The following STXBP2 variants were observed in gnomAD, a reference collection of about 807,000 sequenced individuals.
STXBP2 encodes syntaxin-binding protein 2.
Under a neutral mutation model 72.2 loss-of-function variants are expected in STXBP2, and 47 were observed. The observed-to-expected ratio is 0.65, with a 90% CI of 0.51 to 0.83. The LOEUF (loss-of-function observed/expected upper bound fraction) is 0.83. STXBP2 is among the 40% of genes least tolerant of loss of function. The pLI is 0.00. For missense variants in STXBP2, 702 were observed against 807.6 expected (o/e 0.87, Z 1.58); for synonymous variants, 367 against 338.7 (o/e 1.08, Z -0.92).
chr19:7,630,995 G>A, the STXBP2 span: 4 of 1,050,362 alleles, frequency 3.8e-6, no homozygotes, highest in Non-Finnish European at 5.6e-6. Context: ...GATCACTTGA[G>A]GTCAGGAGTT....
intron 4 of STXBP2, chr19:7,640,212 GTGTC>G (rs1440673063): frequency 2.4e-5 from 13 of 538,734 alleles, no homozygotes; most frequent in South Asian, 4.6e-5. Flanking sequence ...GTGTATGTAT[GTGTC>G]TGCGTCTGTG....
chr19:7,643,405 G>C, intron 13 of STXBP2, 160 bp downstream of exon 13: 1 of 762,894 alleles, frequency 1.3e-6, no homozygotes, highest in Non-Finnish European at 2.2e-6. Context: ...GGAAGGAGTG[G>C]GTCTTGTGGA....
At chr19:7,645,415 TG>T in intron 15 of STXBP2, 109 bp downstream of exon 15, 1 of 1,128,198 alleles carries the variant, frequency 8.9e-7, no homozygotes, top group Non-Finnish European at 1.3e-6. Context: ...GTTCCTGGCG[TG>T]GTGTGGTTGC....
chr19:7,645,863 T>C (rs1422328682), intron 15 of STXBP2: 2 of 357,374 alleles, frequency 5.6e-6, no homozygotes, highest in Admixed American at 8.9e-5. Flanking sequence ...CCTTCCCCTT[T>C]CTCTCTGTTC....
chr19:7,642,773 A>G lies in STXBP2; in HGVS notation c.910A>G (p.Thr304Ala). 6.2e-7 allele frequency: 1 copy of G among 1,613,746 alleles called. No individual in the cohort carries two copies. The highest frequency in any genetic ancestry group is 8.5e-7 in the Non-Finnish European group (1 of 1,179,956). The change falls in exon 11 of 19, where the codon ACG (threonine) becomes GCG (alanine). Residue 304 changes from threonine to alanine, a missense_variant. By Grantham distance (58) the Thr-to-Ala change is moderately conservative (BLOSUM62 0). Transcript: ENST00000221283. The surrounding 1 kb of genome is among the most constrained non-coding windows in gnomAD (Gnocchi z 6.0). The stretch of plus-strand genomic sequence containing the variant: ...GCCCACCCTCATGGCCAGGAAGGTC[A>G]CGGAGCTCCTGAGGACCTTCTGTGA... ...MHIADVSKKV[T>A]ELLRTFCESK... is the part of the protein sequence containing the mutation.
intron 14 of STXBP2, 82 bp from the exon 15 acceptor site, chr19:7,645,115 G>C: frequency 3.4e-6 from 5 of 1,491,502 alleles, no homozygotes; most frequent in Non-Finnish European, 4.6e-6. Flanking sequence ...AGTCCTGGGA[G>C]CTCCTCAGCC....
At chr19:7,630,131 G>A in the STXBP2 span, 2 of 486,816 alleles carry the variant, frequency 4.1e-6, no homozygotes, top group African/African-American at 4.0e-5. Context: ...GGGCTCTAAA[G>A]AAGGAAGACT....
chr19:7,631,408 G>A, the STXBP2 span: 2 of 915,450 alleles, frequency 2.2e-6, no homozygotes, highest in South Asian at 1.9e-5. Context: ...GCGGGGGGGG[G>A]TGGTCCCGGC....
intron 5 of STXBP2, 42 bp from the exon 6 acceptor site, chr19:7,640,858 G>C (rs372413393): frequency 1.7e-5 from 27 of 1,614,002 alleles, no homozygotes; most frequent in Non-Finnish European, 1.0e-5. Flanking sequence ...AGGAGGTGTG[G>C]GGGCTGCTCT....
At chr19:7,634,886 C>T (rs1236610722), upstream of STXBP2, among the ~76,000 whole-genome samples, 1 of 152,180 alleles carries the variant, frequency 6.6e-6, no homozygotes, top group Non-Finnish European at 1.5e-5. Context: ...GGCATTCTCC[C>T]TCTGTGTCCC....
intron 1 of STXBP2, among the ~76,000 whole-genome samples, chr19:7,637,955 AGACC>A (rs1294706177): frequency 6.6e-6 from 1 of 152,266 alleles, no homozygotes. Flanking sequence ...GAGGAAACTG[AGACC>A]GGAGGTCAGT....
chr19:7,647,363 C>T lies in STXBP2; in HGVS notation c.1548C>T (p.Phe516=), dbSNP rs201641708. 73 of 1,613,252 alleles carry T rather than the reference C, an allele frequency of 4.5e-5. No homozygotes were observed. Among genetic ancestry groups the T allele is most frequent in the Non-Finnish European group, 5.7e-5 (67 of 1,179,994 alleles). Residue 516 remains phenylalanine, a synonymous_variant, in exon 18 of 19, where the codon TTC becomes TTT. Transcript: ENST00000221283. ...ASSQAAVSAR[F]GHWHKNKAGI... Reference sequence around the variant, plus strand: ...CCCCTGCCCTGCACAGTGCCCGCTTCGGTCACTGGCACAAGAACAAGGCTG... The same window carrying T: ...CCCCTGCCCTGCACAGTGCCCGCTTTGGTCACTGGCACAAGAACAAGGCTG...
In STXBP2 at chr19:7,639,854, A is replaced by ATGTGCATG. The variant is rs113656550; in HGVS notation, c.246+52_246+59dup. On this transcript the variant is annotated intron_variant, in intron 4 of 18. Transcript: ENST00000221283. ...TGTGTATGCGCGTGCATGCGTGTACATGTGCATGTGTGTGTATGTCTGCAT... is the reference window on the plus strand; with the variant it reads ...TGTGTATGCGCGTGCATGCGTGTACATGTGCATGTGTGCATGTGTGTGTATGTCTGCAT... The ATGTGCATG allele has an allele frequency of 0.016, 24,769 of 1,585,506 alleles. 1,487 individuals carry two copies. Among genetic ancestry groups the ATGTGCATG allele is most frequent in the Admixed American group, 0.15 (8,768 of 58,460 alleles).
At position 7,647,578 on chromosome 19, in the gene STXBP2, C is replaced by G. The variant is rs2032188804; in HGVS notation, c.1696+67C>G. On this transcript the variant is annotated intron_variant, in intron 18 of 18. Coordinates refer to ENST00000221283, the MANE Select transcript of STXBP2 (RefSeq NM_006949.4). ...TTCCCGGGGCCTGGGCTTGTACCTT[C>G]TAGGTGTCTGGACTCCAGAGTCCTT... 1.9e-6 allele frequency: 3 copies of G among 1,581,564 alleles called. No homozygotes were observed. In the Admixed American group the frequency reaches 5.3e-5, roughly 28 times the overall value.
At position 7,646,297 on chromosome 19, in the gene STXBP2, A is replaced by C. The variant is rs1321265871; in HGVS notation, c.1405A>C (p.Thr469Pro). 6.2e-7 allele frequency: 1 copy of C among 1,611,566 alleles called. No individual in the cohort carries two copies. Among genetic ancestry groups the C allele is most frequent in the South Asian group, 1.1e-5 (1 of 90,442 alleles). ...RLEPRERMEP[T>P]YQLSRWTPVI... Reference sequence around the variant, plus strand: ...GGAGCCGAGAGAACGCATGGAGCCCACCTATCAGCTGTCCCGCTGGACCCC... The same window carrying C: ...GGAGCCGAGAGAACGCATGGAGCCCCCCTATCAGCTGTCCCGCTGGACCCC... The change falls in exon 16 of 19, where the codon ACC (threonine) becomes CCC (proline). Residue 469 changes from threonine (T) to proline (P), a missense_variant. Transcript: ENST00000221283.
At chr19:7,641,903 G>A (rs1249580462) in intron 7 of STXBP2, 50 bp downstream of exon 7, 23 of 1,287,946 alleles carry the variant, frequency 1.8e-5, no homozygotes, top group Admixed American at 8.7e-5. Context: ...CCTTAACCGC[G>A]TGCAACACCT....
Position 7,640,990 on chromosome 19 carries a change from C to G in STXBP2, c.416C>G (p.Pro139Arg). Residue 139 changes from proline (P) to arginine (R), a missense_variant, in exon 6 of 19, where the codon CCC becomes CGC. Coordinates refer to ENST00000221283, the MANE Select transcript of STXBP2 (RefSeq NM_006949.4). Reference sequence around the variant, plus strand: ...AAGGAGATTCACCTTGCCTTCCTCCCCTACGAGGCCCAGGTACGGCCCGGG... The same window carrying G: ...AAGGAGATTCACCTTGCCTTCCTCCGCTACGAGGCCCAGGTACGGCCCGGG... The part of the protein sequence containing the change: ...TLKEIHLAFL[P>R]YEAQVFSLDA... 6.2e-7 allele frequency: 1 copy of G among 1,614,166 alleles called. No individual in the cohort carries two copies. The highest frequency in any genetic ancestry group is 8.5e-7 in the Non-Finnish European group (1 of 1,180,024).
upstream of STXBP2, chr19:7,632,872 G>A: frequency 1.3e-6 from 2 of 1,535,586 alleles, no homozygotes; most frequent in Non-Finnish European, 8.7e-7. The surrounding 1 kb of genome is among the most constrained non-coding windows in gnomAD (Gnocchi z 5.2). Context: ...CTTCAGCTTG[G>A]GGGCCCCTCC....
chr19:7,641,627 C>T, intron 6 of STXBP2, 78 bp from the exon 7 acceptor site: 1 of 1,539,266 alleles, frequency 6.5e-7, no homozygotes, highest in Non-Finnish European at 8.8e-7. Flanking sequence ...CCAGGAGGTG[C>T]AGGTGGCGGC....
Sources: gnomAD v4.1 joint callset for allele counts (sites outside exome capture counted in the v4.1 genomes callset) on GRCh38, gnomAD v4.1.1 for gene constraint, Gnocchi (gnomAD v3.1) non-coding constraint, MANE v1.5 for transcripts, NCBI Gene and HGNC (gene_info 2026-07-23, HGNC 2026-07-21) for gene names.